Variants in IL10RB observed in about 807,000 individuals in gnomAD.
The protein encoded by IL10RB is interleukin 10 receptor subunit beta.
In IL10RB, 30 loss-of-function variants were observed where a neutral mutation model predicts 38.7. The ratio of observed to expected loss-of-function variants is 0.78; its 90% CI spans 0.58 to 1.05. The LOEUF (loss-of-function observed/expected upper bound fraction) is 1.05. IL10RB is among the 50% of genes least tolerant of loss of function. IL10RB has a pLI of 0.00. For missense variants in IL10RB, 328 were observed against 397.1 expected (o/e 0.83, Z 1.48); for synonymous variants, 142 against 145.9 (o/e 0.97, Z 0.19).
At chr21:33,303,057 CCTT>C (rs2082989856) in intron 1 of IL10RB, among the ~76,000 whole-genome samples, 1 of 152,164 alleles carries the variant, frequency 6.6e-6, no homozygotes. Context: ...GTGCCCAAGG[CCTT>C]CTTCAGGCAC....
rs753564128 is a variant in IL10RB at position 33,288,272 on chromosome 21, T to C, written c.804+11T>C. On this transcript the variant is annotated intron_variant, in intron 6 of 6. Transcript: ENST00000290200. ...CAGCACCTGAAAGAGGTAGGTAGGA[T>C]GGAGTGAGATGTGGATTTGAAAACC... 6.2e-7 allele frequency: 1 copy of C among 1,612,600 alleles called. No homozygotes were observed. The highest frequency in any genetic ancestry group is 8.5e-7 in the Non-Finnish European group (1 of 1,178,672).
At position 33,292,293 on chromosome 21, in the gene IL10RB, A is replaced by G. The variant is rs1380091498; in HGVS notation, c.805-3891A>G. On this transcript the variant is annotated intron_variant, in intron 6 of 6. Transcript: ENST00000290200. ...GGCCCAAAGCTCTGCCCGTGGGGAC[A>G]CTTTCTCCCTGGTTGGGGCTGAAGT... is the stretch of plus-strand genomic sequence containing the variant. Among the ~76,000 whole-genome samples the G allele has an allele frequency of 5.3e-5, 8 of 152,124 alleles. No individual in the cohort carries two copies. In the South Asian group the frequency reaches 1.7e-3, roughly 32 times the overall value.
At chr21:33,285,900 A>G (rs1044802502) in intron 5 of IL10RB, among the ~76,000 whole-genome samples, 4 of 152,104 alleles carry the variant, frequency 2.6e-5, no homozygotes, top group Non-Finnish European at 5.9e-5. Flanking sequence ...CCCTGGAATC[A>G]CCAAGAGCAG....
chr21:33,296,182 A>G lies in IL10RB; in HGVS notation c.805-2A>G. On this transcript the variant is annotated splice_acceptor_variant, in intron 6 of 6. Transcript: ENST00000290200. LOFTEE classifies it high-confidence loss of function. ...CATTAACTGTCCTCTTTCCCTCCAC[A>G]GTTTTTGGGCCATCCTCATCATAAC... The G allele has an allele frequency of 6.2e-7, 1 of 1,612,660 alleles. No individual in the cohort carries two copies. Among genetic ancestry groups the G allele is most frequent in the Non-Finnish European group, 8.5e-7 (1 of 1,178,620 alleles).
chr21:33,309,389 C>T (rs1372791325), exon 2 of IL10RB: 1 of 152,192 alleles, frequency 6.6e-6, no homozygotes, highest in Non-Finnish European at 1.5e-5. Context: ...AAAGTGTTTA[C>T]ATTTGTTTCA....
intron 6 of IL10RB, among the ~76,000 whole-genome samples, chr21:33,290,194 G>C (rs1989458970): frequency 6.6e-6 from 1 of 151,708 alleles, no homozygotes; most frequent in South Asian, 2.1e-4. Flanking sequence ...GGGAGACTGA[G>C]GCAGGAGAAT....
At chr21:33,293,082 G>A (rs1989521031) in intron 6 of IL10RB, among the ~76,000 whole-genome samples, 1 of 152,206 alleles carries the variant, frequency 6.6e-6, no homozygotes, top group Admixed American at 6.5e-5. Flanking sequence ...CCTTTAAAGA[G>A]GATGTCCTGG....
chr21:33,304,249 GCT>G (rs1389705441), intron 1 of IL10RB, among the ~76,000 whole-genome samples: 4 of 152,332 alleles, frequency 2.6e-5, no homozygotes, highest in Admixed American at 2.0e-4. Flanking sequence ...TGGCATTGTT[GCT>G]CTGTTTCTAG....
chr21:33,274,642 T>C (rs1439329229), intron 2 of IL10RB, among the ~76,000 whole-genome samples: 1 of 152,192 alleles, frequency 6.6e-6, no homozygotes, highest in African/African-American at 2.4e-5. Flanking sequence ...GAGGTAATAT[T>C]TTGAGAGAAA....
intron 4 of IL10RB, among the ~76,000 whole-genome samples, chr21:33,282,513 C>T (rs150054617): frequency 3.9e-5 from 6 of 152,144 alleles, no homozygotes; most frequent in South Asian, 2.1e-4. Flanking sequence ...CCAGCCTGGA[C>T]GACAAGAGTG....
At chr21:33,295,221 G>C (rs1379567182) in intron 6 of IL10RB, among the ~76,000 whole-genome samples, 1 of 152,090 alleles carries the variant, frequency 6.6e-6, no homozygotes, top group African/African-American at 2.4e-5. Context: ...AGCCAGGCAA[G>C]GTGGTGGGCG....
At chr21:33,276,517 C>T (rs930799429) in intron 2 of IL10RB, 79 bp from the exon 3 acceptor site, 4 of 1,198,572 alleles carry the variant, frequency 3.3e-6, no homozygotes, top group Admixed American at 1.7e-5. Context: ...CCGCCCCCCC[C>T]TCCAAATTAA....
intron 4 of IL10RB, among the ~76,000 whole-genome samples, chr21:33,282,586 T>G (rs1989299423): frequency 6.6e-6 from 1 of 152,162 alleles, no homozygotes; most frequent in Admixed American, 6.5e-5. Context: ...TTATTTACTT[T>G]TTTCTTTATT....
chr21:33,287,559 G>T (rs576651419), intron 5 of IL10RB, among the ~76,000 whole-genome samples: 204 of 152,120 alleles, frequency 1.3e-3, no homozygotes, highest in African/African-American at 4.8e-3. Flanking sequence ...TAGAGAAGGG[G>T]TCTCACTATG....
chr21:33,284,313 G>A (rs8178507), intron 5 of IL10RB, among the ~76,000 whole-genome samples: 10,369 of 78,388 alleles, frequency 0.13, 659 homozygotes, highest in Non-Finnish European at 0.2. Context: ...AAAAAAAAAA[G>A]AAAAGAAAAC....
At chr21:33,270,794 C>A (rs1438957473) in intron 2 of IL10RB, among the ~76,000 whole-genome samples, 1 of 152,036 alleles carries the variant, frequency 6.6e-6, no homozygotes, top group Non-Finnish European at 1.5e-5. Context: ...CCTGCCTCAG[C>A]CTCCTGAGTA....
At chr21:33,295,391 G>T (rs970254441) in intron 6 of IL10RB, among the ~76,000 whole-genome samples, 6 of 150,410 alleles carry the variant, frequency 4.0e-5, no homozygotes, top group Non-Finnish European at 7.4e-5. Flanking sequence ...CCAAAGATTG[G>T]CCGGGCATGG....
At chr21:33,289,963 A>C (rs1190380978) in intron 6 of IL10RB, among the ~76,000 whole-genome samples, 1 of 152,034 alleles carries the variant, frequency 6.6e-6, no homozygotes, top group Non-Finnish European at 1.5e-5. Flanking sequence ...AAATACAAAA[A>C]ATTAGCCAGG....
At chr21:33,275,890 A>G (rs1336101233) in intron 2 of IL10RB, among the ~76,000 whole-genome samples, 1 of 152,264 alleles carries the variant, frequency 6.6e-6, no homozygotes, top group Non-Finnish European at 1.5e-5. Flanking sequence ...GGTGTGGTTC[A>G]TGGTACCCCA....
Sources: gnomAD v4.1 joint callset for allele counts (sites outside exome capture counted in the v4.1 genomes callset) on GRCh38, gnomAD v4.1.1 for gene constraint, MANE v1.5 for transcripts, NCBI Gene and HGNC (gene_info 2026-07-23, HGNC 2026-07-21) for gene names.